Variants in RHBDF1 observed in about 807,000 individuals in gnomAD.
RHBDF1 encodes inactive rhomboid protein 1.
RHBDF1 carries 80 observed loss-of-function variants against 98.6 expected under a neutral mutation model. That is an observed-to-expected ratio of 0.81 (90% CI 0.68 to 0.98). The LOEUF (loss-of-function observed/expected upper bound fraction) is 0.98. RHBDF1 is among the 50% of genes least tolerant of loss of function. The probability of loss-of-function intolerance (pLI) is 0.00; values close to 1 mark genes in which losing one functional copy is unlikely to be tolerated. For synonymous variants in RHBDF1, 512 were observed against 486.8 expected (o/e 1.05, Z -0.68); for missense variants, 1,116 against 1,198.3 (o/e 0.93, Z 1.01).
chr16:60,672 C>T, intron 11 of RHBDF1, 133 bp from the exon 12 acceptor site: 1 of 628,206 alleles, frequency 1.6e-6, no homozygotes, highest in South Asian at 1.9e-5. Context: ...TCTTGAGATG[C>T]ACGTGCATGT....
upstream of RHBDF1, among the ~76,000 whole-genome samples, chr16:73,625 C>G (rs1898032944): frequency 6.6e-6 from 1 of 152,204 alleles, no homozygotes; most frequent in South Asian, 2.1e-4. Context: ...TCCAGGAGCT[C>G]TGAGTGGTGG....
chr16:65,057 T>C lies in RHBDF1; in HGVS notation c.-24-18A>G, dbSNP rs1252077356. 5 of 1,490,810 alleles carry C rather than the reference T, an allele frequency of 3.4e-6. No individual in the cohort carries two copies. The highest frequency in any genetic ancestry group is 8.9e-7 in the Non-Finnish European group (1 of 1,124,586). 92.3% of individuals were successfully genotyped at this position (1,490,810 alleles called of 1,614,324 possible). A position where few individuals can be genotyped will look rare whatever the true frequency, so the allele number is the denominator to read the frequency against. On this transcript the variant is annotated intron_variant, in intron 1 of 17. Transcript: ENST00000262316. ...AGGCAGGCCTGCGGGGCATGGTGTGTTATTCAATAATGACAAAGCTGACAT... is the reference window on the plus strand; with the variant it reads ...AGGCAGGCCTGCGGGGCATGGTGTGCTATTCAATAATGACAAAGCTGACAT...
intron 6 of RHBDF1, 25 bp from the exon 7 acceptor site, chr16:62,720 T>G (rs1313893340): frequency 6.2e-7 from 1 of 1,613,878 alleles, no homozygotes; most frequent in Non-Finnish European, 8.5e-7. Flanking sequence ...GAGGTCAGGG[T>G]GGACACAGGC....
intron 1 of RHBDF1, among the ~76,000 whole-genome samples, chr16:69,655 C>T (rs1046543793): frequency 6.6e-6 from 1 of 152,186 alleles, no homozygotes; most frequent in African/African-American, 2.4e-5. Context: ...GGAAAGTCAC[C>T]TGGCCTCTCT....
rs769315156 is a variant in RHBDF1, at chr16:61,583, A to G, written c.1320+2T>C. 3.1e-6 allele frequency: 5 copies of G among 1,613,040 alleles called. No individual in the cohort carries two copies. The highest frequency in any genetic ancestry group is 4.2e-6 in the Non-Finnish European group (5 of 1,179,756). ...GGGCCCAGGGAAGGCACAGGGGCTCACCGAGTCCACCGTCTCATGCTGCGA... is the reference window on the plus strand; with the variant it reads ...GGGCCCAGGGAAGGCACAGGGGCTCGCCGAGTCCACCGTCTCATGCTGCGA... On this transcript the variant is annotated splice_donor_variant, in intron 9 of 17. Transcript: ENST00000262316. LOFTEE classifies it high-confidence loss of function.
rs1216960734 is a variant in RHBDF1 at position 59,013 on chromosome 16, G to A, written c.2109C>T (p.Gly703=). The A allele has an allele frequency of 6.2e-7, 1 of 1,613,242 alleles. No individual in the cohort carries two copies. Among genetic ancestry groups the A allele is most frequent in the African/African-American group, 1.3e-5 (1 of 75,042 alleles). The change falls in exon 17 of 18, where the codon GGC becomes GGT. Residue 703 remains glycine, a synonymous_variant. Transcript: ENST00000262316. ...AIIYLLSGVT[G]NLASAIFLPY... ...GCAGGAAGATGGCACTGGCCAGGTT[G>A]CCGGTGACACCACTCAGCAGGTAGA...
Position 64,696 on chromosome 16 carries a change from T to C in RHBDF1, c.248+3A>G. ...CCATGGAGCAGCTGGGCGGTGTTGG[T>C]ACCTGCGGATGGTCTGTGTGATGGA... On this transcript the variant is annotated splice_donor_region_variant and intron_variant, in intron 3 of 17. Coordinates refer to ENST00000262316, the MANE Select transcript of RHBDF1 (RefSeq NM_022450.5). The C allele has an allele frequency of 1.2e-6, 2 of 1,607,094 alleles. No homozygotes were observed. Among genetic ancestry groups the C allele is most frequent in the Non-Finnish European group, 1.7e-6 (2 of 1,175,082 alleles).
intron 11 of RHBDF1, 130 bp from the exon 12 acceptor site, chr16:60,669 A>G (rs1897576823): frequency 1.6e-6 from 1 of 628,044 alleles, no homozygotes; most frequent in African/African-American, 1.8e-5. Flanking sequence ...CACTCTTGAG[A>G]TGCACGTGCA....
chr16:59,635 T>A, intron 14 of RHBDF1, 97 bp downstream of exon 14: 2 of 1,506,378 alleles, frequency 1.3e-6, no homozygotes, highest in African/African-American at 2.8e-5. Context: ...ATCCTTGGTA[T>A]ACTGGCTTAT....
intron 6 of RHBDF1, 31 bp from the exon 7 acceptor site, chr16:62,726 C>T (rs1897683651): frequency 1.2e-6 from 2 of 1,614,106 alleles, no homozygotes; most frequent in Non-Finnish European, 1.7e-6. Context: ...AGGGTGGACA[C>T]AGGCAGGAAG....
At chr16:70,067 G>A (rs1293156456) in intron 1 of RHBDF1, among the ~76,000 whole-genome samples, 1 of 152,050 alleles carries the variant, frequency 6.6e-6, no homozygotes, top group Non-Finnish European at 1.5e-5. Context: ...GGGGTCACCA[G>A]AGCTAAACCC....
intron 7 of RHBDF1, 142 bp downstream of exon 7, chr16:62,396 G>C: frequency 8.8e-7 from 1 of 1,137,950 alleles, no homozygotes; most frequent in South Asian, 1.5e-5. Flanking sequence ...TCCCACCCCT[G>C]GTGGCCCAGT....
intron 1 of RHBDF1, among the ~76,000 whole-genome samples, chr16:71,514 G>C (rs991369019): frequency 4.6e-5 from 7 of 152,206 alleles, no homozygotes; most frequent in Non-Finnish European, 1.0e-4. Context: ...CAGGCATCTA[G>C]CTGGGTCAAA....
intron 1 of RHBDF1, among the ~76,000 whole-genome samples, chr16:67,551 ACTCC>A (rs1270761787): frequency 2.0e-5 from 3 of 151,632 alleles, no homozygotes; most frequent in Admixed American, 2.0e-4. Context: ...CTCACACCTG[ACTCC>A]CTCCCATCTC....
intron 1 of RHBDF1, among the ~76,000 whole-genome samples, chr16:70,401 C>T (rs1319259659): frequency 1.3e-5 from 2 of 152,208 alleles, no homozygotes; most frequent in East Asian, 1.9e-4. Context: ...CCAGAGGTGT[C>T]CCTGACTGAC....
At chr16:69,239 G>A (rs1417537223) in intron 1 of RHBDF1, among the ~76,000 whole-genome samples, 1 of 152,182 alleles carries the variant, frequency 6.6e-6, no homozygotes, top group Non-Finnish European at 1.5e-5. Context: ...CACAGCCAGT[G>A]GAGAGCTGCA....
intron 1 of RHBDF1, among the ~76,000 whole-genome samples, chr16:69,463 C>T (rs1188976814): frequency 1.3e-5 from 2 of 152,096 alleles, no homozygotes; most frequent in African/African-American, 2.4e-5. Flanking sequence ...GACGTGTCCT[C>T]AGCTCACATG....
In RHBDF1 at chr16:62,562, TC is replaced by T. The variant is rs1897675731; in HGVS notation, c.928del (p.Glu310SerfsTer7). The stretch of plus-strand genomic sequence containing the variant: ...CAGCATCAGGTGGCTGCGCTCAAGC[TC>T]GCTGCGGTCCAGGGCCCCGCCGGTG... ...DLTGGALDRS[E>X]LERSHLMLPL... On this transcript the variant is annotated frameshift_variant, in exon 7 of 18. Transcript: ENST00000262316. LOFTEE classifies it high-confidence loss of function. The T allele has an allele frequency of 1.9e-6, 3 of 1,613,170 alleles. No individual in the cohort carries two copies. The highest frequency in any genetic ancestry group is 2.5e-6 in the Non-Finnish European group (3 of 1,179,986).
At chr16:61,554 G>T (rs778155097) in intron 9 of RHBDF1, 31 bp downstream of exon 9, 7 of 1,611,640 alleles carry the variant, frequency 4.3e-6, no homozygotes, top group Non-Finnish European at 5.9e-6. Context: ...GACTCCACTC[G>T]TCTGGGCCCA....
Sources: gnomAD v4.1 joint callset for allele counts (sites outside exome capture counted in the v4.1 genomes callset) on GRCh38, gnomAD v4.1.1 for gene constraint, MANE v1.5 for transcripts, NCBI Gene and HGNC (gene_info 2026-07-23, HGNC 2026-07-21) for gene names.